ZNF518A: variants seen among roughly 807,000 people sequenced by gnomAD.
ZNF518A encodes the protein zinc finger protein 518A.
ZNF518A carries 47 observed loss-of-function variants against 102.7 expected under a neutral mutation model. The ratio of observed to expected loss-of-function variants is 0.46; its 90% CI spans 0.36 to 0.58. The LOEUF is 0.58. ZNF518A is among the 20% of genes least tolerant of loss of function. The pLI is 0.00. For missense variants in ZNF518A, 1,793 were observed against 1,699.8 expected, an observed-to-expected ratio of 1.05 and a Z score of -0.96; for synonymous variants, 652 against 594.6, an observed-to-expected ratio of 1.10 and a Z score of -1.40.
intron 1 of ZNF518A, among the ~76,000 whole-genome samples, chr10:96,176,498 T>C (rs1304460946): frequency 6.6e-6 from 1 of 152,212 alleles, no homozygotes; most frequent in Non-Finnish European, 1.5e-5. Context: ...CATTTCTGGC[T>C]GAGTGCCTAT....
Position 96,157,763 on chromosome 10 carries a change from A to T in ZNF518A, c.1441A>T (p.Thr481Ser), listed in dbSNP as rs782669198. The T allele has an allele frequency of 1.9e-6, 3 of 1,613,792 alleles. No individual in the cohort carries two copies. ...GSQSGAAKDG[T>S]ANLQPQTLDT... Reference sequence around the variant, plus strand: ...ACAGTCAGGTGCTGCAAAGGACGGTACTGCTAATTTGCAGCCCCAGACTTT... The same window carrying T: ...ACAGTCAGGTGCTGCAAAGGACGGTTCTGCTAATTTGCAGCCCCAGACTTT... The change falls in exon 6 of 6, where the codon ACT (threonine) becomes TCT (serine). Residue 481 changes from threonine to serine, a missense_variant. By Grantham distance (58) the Thr-to-Ser change is moderately conservative (BLOSUM62 1). Transcript: ENST00000316045.
Position 96,160,789 on chromosome 10 carries a change from C to A in ZNF518A, c.*15C>A. On this transcript the variant is annotated 3_prime_UTR_variant, in exon 6 of 6. Coordinates refer to ENST00000316045, the MANE Select transcript of ZNF518A (RefSeq NM_001330736.2). ...TGTTAGAATAGTTTACCATAATTACCAAGGAAAAGAAAAGTAAAATTACCT... is the reference window on the plus strand; with the variant it reads ...TGTTAGAATAGTTTACCATAATTACAAAGGAAAAGAAAAGTAAAATTACCT... 1 of 1,513,336 alleles carries A rather than the reference C, an allele frequency of 6.6e-7. No individual in the cohort carries two copies. The highest frequency in any genetic ancestry group is 1.4e-5 in the South Asian group (1 of 72,786). The allele number at this position is 1,513,336 out of a possible 1,614,324, so 93.7% of individuals were successfully genotyped here.
chr10:96,165,308 A>G (rs1191708125), downstream of ZNF518A, among the ~76,000 whole-genome samples: 2 of 152,106 alleles, frequency 1.3e-5, no homozygotes, highest in African/African-American at 2.4e-5. Context: ...GGGTTTCACC[A>G]TGTTGGCTAG....
chr10:96,178,926 C>G (rs1554891735), intron 1 of ZNF518A, among the ~76,000 whole-genome samples: 1 of 152,096 alleles, frequency 6.6e-6, no homozygotes, highest in Non-Finnish European at 1.5e-5. Context: ...TGAAAACCTT[C>G]ACACGAAGAA....
Position 96,163,380 on chromosome 10 carries a change from T to G in ZNF518A, c.*2606T>G, listed in dbSNP as rs1486142634. 6.0e-6 allele frequency: 1 copy of G among 167,016 alleles called. No homozygotes were observed. Among genetic ancestry groups the G allele is most frequent in the Non-Finnish European group, 1.5e-5 (1 of 68,096 alleles). 10.3% of individuals were successfully genotyped at this position (167,016 alleles called of 1,614,324 possible). A position where few individuals can be genotyped will look rare whatever the true frequency, so the allele number is the denominator to read the frequency against. The stretch of plus-strand genomic sequence containing the variant: ...TATGATTTTCAGTAGTTCGAGGTTC[T>G]TATTACAATTGAAGAGTTAGTTTTA... On this transcript the variant is annotated 3_prime_UTR_variant, in exon 6 of 6. Transcript: ENST00000316045.
chr10:96,195,152 C>A (rs1352056961), intron 1 of ZNF518A, among the ~76,000 whole-genome samples: 1 of 152,180 alleles, frequency 6.6e-6, no homozygotes, highest in Non-Finnish European at 1.5e-5. Flanking sequence ...CAACACAATT[C>A]AGAATATAAC....
intron 3 of ZNF518A, among the ~76,000 whole-genome samples, chr10:96,143,590 C>A (rs713070): frequency 1.3e-5 from 2 of 151,960 alleles, no homozygotes; most frequent in Non-Finnish European, 2.9e-5. Flanking sequence ...ATGTAAGAAG[C>A]CTTTGATTAC....
Position 96,158,060 on chromosome 10 carries a change from G to T in ZNF518A, c.1738G>T (p.Gly580Ter). ...FETRDNVDFW[G>*]NHLTQSHPEV... ...AACAAGAGATAATGTTGACTTCTGG[G>T]GAAATCATCTCACTCAGAGTCACCC... is the stretch of plus-strand genomic sequence containing the variant. Residue 580 changes from glycine to a stop codon, truncating the protein, a stop_gained, in exon 6 of 6, where the codon GGA (glycine) becomes TGA (stop). Transcript: ENST00000316045. LOFTEE classifies it high-confidence loss of function. 1 of 1,613,588 alleles carries T rather than the reference G, an allele frequency of 6.2e-7. No individual in the cohort carries two copies. Among genetic ancestry groups the T allele is most frequent in the Non-Finnish European group, 8.5e-7 (1 of 1,179,760 alleles).
At chr10:96,185,697 G>T (rs2083267727) in intron 1 of ZNF518A, among the ~76,000 whole-genome samples, 1 of 152,186 alleles carries the variant, frequency 6.6e-6, no homozygotes, top group Non-Finnish European at 1.5e-5. Context: ...TCTCAGATGG[G>T]CACCCGGCTG....
downstream of ZNF518A, among the ~76,000 whole-genome samples, chr10:96,167,451 C>G (rs1412364834): frequency 6.6e-6 from 1 of 152,038 alleles, no homozygotes; most frequent in South Asian, 2.1e-4. Flanking sequence ...GACTCCACCT[C>G]AAAATAAATA....
At position 96,157,296 on chromosome 10, in the gene ZNF518A, A is replaced by G. The variant is rs201695017; in HGVS notation, c.974A>G (p.Lys325Arg). The change falls in exon 6 of 6, where the codon AAG (lysine) becomes AGG (arginine). Residue 325 changes from lysine to arginine, a missense_variant. Physicochemically the swap from Lys to Arg is conservative, Grantham distance 26. Coordinates refer to ENST00000316045, the MANE Select transcript of ZNF518A (RefSeq NM_001330736.2). ...AGATATAAAATAGGTGCATCAAGGA[A>G]GACGTTCTGGAAACGTAAGAAAATT... The part of the protein sequence containing the change: ...LKRYKIGASR[K>R]TFWKRKKINS... 136 of 1,612,238 alleles carry G rather than the reference A, an allele frequency of 8.4e-5. No individual in the cohort carries two copies. Among genetic ancestry groups the G allele is most frequent in the Admixed American group, 7.9e-4 (47 of 59,628 alleles).
chr10:96,149,420 C>T (rs1444615392), intron 3 of ZNF518A, among the ~76,000 whole-genome samples: 1 of 152,010 alleles, frequency 6.6e-6, no homozygotes, highest in Non-Finnish European at 1.5e-5. Flanking sequence ...AACAAAGATT[C>T]GTTTTACCCA....
intron 3 of ZNF518A, among the ~76,000 whole-genome samples, chr10:96,145,636 T>C (rs1203257635): frequency 1.3e-5 from 2 of 152,224 alleles, no homozygotes; most frequent in African/African-American, 4.8e-5. Flanking sequence ...TGTGTTGATA[T>C]GGAGAACACA....
At chr10:96,199,997 C>T in intron 1 of ZNF518A, 1 of 1,076,990 alleles carries the variant, frequency 9.3e-7, no homozygotes, top group South Asian at 2.7e-5. Flanking sequence ...CACTGCACTC[C>T]AGTGAAACTG....
In ZNF518A at chr10:96,133,636, T is replaced by G. The variant is rs1591092508; in HGVS notation, c.-314T>G. On this transcript the variant is annotated 5_prime_UTR_variant, in exon 3 of 6. It adds an upstream start codon to the 5' untranslated region. Transcript: ENST00000316045. Reference sequence around the variant, plus strand: ...CTTGGATACCACAGTATCATAAAATTCCTCTAAATGCAGTAAGTATACACA... The same window carrying G: ...CTTGGATACCACAGTATCATAAAATGCCTCTAAATGCAGTAAGTATACACA... 1 of 152,234 alleles carries G rather than the reference T, an allele frequency of 6.6e-6. No homozygotes were observed. The highest frequency in any genetic ancestry group is 1.5e-5 in the Non-Finnish European group (1 of 68,032). The allele number at this position is 152,234 out of a possible 1,614,324, so 9.4% of individuals were successfully genotyped here. A position where few individuals can be genotyped will look rare whatever the true frequency, so the allele number is the denominator to read the frequency against.
At chr10:96,138,198 A>G (rs1386013543) in intron 3 of ZNF518A, among the ~76,000 whole-genome samples, 1 of 152,194 alleles carries the variant, frequency 6.6e-6, no homozygotes, top group Non-Finnish European at 1.5e-5. Flanking sequence ...TGTTCTTAGC[A>G]TAGCAGCCCA....
chr10:96,202,007 C>G (rs782742711), intron 1 of ZNF518A, among the ~76,000 whole-genome samples: 17 of 151,976 alleles, frequency 1.1e-4, no homozygotes, highest in Non-Finnish European at 1.8e-4. Context: ...CACTGGACAT[C>G]CCAGGAAAGA....
intron 3 of ZNF518A, among the ~76,000 whole-genome samples, chr10:96,136,336 A>G (rs2081596135): frequency 6.6e-6 from 1 of 151,036 alleles, no homozygotes; most frequent in Admixed American, 6.6e-5. Flanking sequence ...ATGCCGATTT[A>G]TAAATATGTA....
At chr10:96,185,728 C>T (rs782077242) in intron 1 of ZNF518A, among the ~76,000 whole-genome samples, 1 of 152,172 alleles carries the variant, frequency 6.6e-6, no homozygotes, top group Non-Finnish European at 1.5e-5. Flanking sequence ...CAGTCGGCCC[C>T]TACTGGGAGG....
Sources: allele counts gnomAD v4.1 joint callset (sites outside exome capture counted in the v4.1 genomes callset), GRCh38; gene constraint gnomAD v4.1.1; transcripts MANE v1.5; gene names NCBI Gene and HGNC (gene_info 2026-07-23, HGNC 2026-07-21).